The following LRRC8C variants were observed in gnomAD, a reference collection of about 807,000 sequenced individuals.
The protein encoded by LRRC8C is leucine rich repeat containing 8 VRAC subunit C, also known as volume-regulated anion channel subunit LRRC8C.
In LRRC8C, 20 loss-of-function variants were observed where a neutral mutation model predicts 55.3. The ratio of observed to expected loss-of-function variants is 0.36; its 90% CI spans 0.25 to 0.53. LRRC8C has a LOEUF of 0.53. LRRC8C is among the 20% of genes least tolerant of loss of function. The pLI, the probability that LRRC8C is intolerant of heterozygous loss-of-function variation, is 0.92. For missense variants in LRRC8C, 659 were observed against 951.4 expected (o/e 0.69, Z 4.04); for synonymous variants, 376 against 360.7 (o/e 1.04, Z -0.48).
chr1:89,659,851 G>A (rs983863377), intron 1 of LRRC8C, among the ~76,000 whole-genome samples: 7 of 152,176 alleles, frequency 4.6e-5, no homozygotes, highest in African/African-American at 1.7e-4. Context: ...CAGGGGCTGG[G>A]CATGCCAAAA....
intron 2 of LRRC8C, among the ~76,000 whole-genome samples, chr1:89,703,360 A>G (rs1209454483): frequency 6.6e-6 from 1 of 152,206 alleles, no homozygotes; most frequent in Non-Finnish European, 1.5e-5. Flanking sequence ...GAAGAATGAA[A>G]GCAATATAGG....
chr1:89,659,503 G>A (rs140032607), intron 1 of LRRC8C, among the ~76,000 whole-genome samples: 5 of 152,238 alleles, frequency 3.3e-5, no homozygotes, highest in Non-Finnish European at 5.9e-5. Context: ...ATATTTGGGC[G>A]TTAAGTAATG....
the LRRC8C span, chr1:89,624,883 T>C: frequency 2.0e-5 from 3 of 152,238 alleles, no homozygotes; most frequent in East Asian, 3.8e-4. Flanking sequence ...ACAGGACTTA[T>C]CAGAGCCCTA....
Position 89,638,344 on chromosome 1 carries a change from T to C in LRRC8C, c.-5+5022T>C, listed in dbSNP as rs1218169839. On this transcript the variant is annotated intron_variant, in intron 1 of 2. Coordinates refer to ENST00000370454, the MANE Select transcript of LRRC8C (RefSeq NM_032270.5). ...ATTAACCTCAATCTGTGAACCTTTT[T>C]TCCATAAATTGTAATAACACAGATA... Among the ~76,000 whole-genome samples the C allele has an allele frequency of 2.0e-5, 3 of 152,328 alleles. No homozygotes were observed. In the East Asian group the frequency reaches 5.8e-4, roughly 29 times the overall value.
At chr1:89,688,910 T>C (rs919242066) in intron 2 of LRRC8C, among the ~76,000 whole-genome samples, 2 of 152,196 alleles carry the variant, frequency 1.3e-5, no homozygotes, top group African/African-American at 4.8e-5. Flanking sequence ...AAGATTGATC[T>C]ATTGAGTTAC....
chr1:89,677,389 A>G (rs550379379), intron 1 of LRRC8C, among the ~76,000 whole-genome samples: 7 of 152,382 alleles, frequency 4.6e-5, no homozygotes, highest in Non-Finnish European at 8.8e-5. Context: ...TGAGGACAGT[A>G]TAGCTTAAGA....
intron 2 of LRRC8C, among the ~76,000 whole-genome samples, chr1:89,692,954 G>A (rs1400220376): frequency 1.3e-5 from 2 of 152,144 alleles, no homozygotes; most frequent in Non-Finnish European, 2.9e-5. Context: ...TGGGCAGACC[G>A]TTACCAAATA....
chr1:89,620,787 T>A, the LRRC8C span, among the ~76,000 whole-genome samples: 1 of 152,184 alleles, frequency 6.6e-6, no homozygotes, highest in South Asian at 2.1e-4. Context: ...CTTAATTCAC[T>A]CTAGATAACA....
chr1:89,635,988 C>A (rs1656268184), intron 1 of LRRC8C, among the ~76,000 whole-genome samples: 1 of 152,160 alleles, frequency 6.6e-6, no homozygotes, highest in South Asian at 2.1e-4. Context: ...CTACTTGATT[C>A]CTTTTGAACT....
rs758088658 is a variant in LRRC8C, at chr1:89,713,412, G to C, written c.842G>C (p.Ser281Thr). The C allele has an allele frequency of 6.2e-7, 1 of 1,614,150 alleles. No individual in the cohort carries two copies. The highest frequency in any genetic ancestry group is 2.2e-5 in the East Asian group (1 of 44,876). ...TTCCTAATCATCATTGCATATAATA[G>C]TGCTCTGGTTTCCAAGGTCCAGTTT... ...IKFLIIIAYN[S>T]ALVSKVQFTV... The change falls in exon 3 of 3, where the codon AGT becomes ACT. Residue 281 changes from serine to threonine, a missense_variant. Ser to Thr is a moderately conservative substitution (Grantham distance 58). Transcript: ENST00000370454. The surrounding 1 kb of genome is among the most constrained non-coding windows in gnomAD (Gnocchi z 5.2).
At chr1:89,631,826 T>C (rs1656116395), upstream of LRRC8C, 2 of 152,198 alleles carry the variant, frequency 1.3e-5, no homozygotes, top group African/African-American at 4.8e-5. Context: ...AAAAAAAGTG[T>C]AGGATTTTGC....
At chr1:89,707,994 T>G (rs1658532145) in intron 2 of LRRC8C, among the ~76,000 whole-genome samples, 1 of 152,170 alleles carries the variant, frequency 6.6e-6, no homozygotes, top group Non-Finnish European at 1.5e-5. Flanking sequence ...CTAAGAATTC[T>G]GAGAATTCTT....
At chr1:89,680,514 T>C (rs574776756) in intron 1 of LRRC8C, among the ~76,000 whole-genome samples, 4 of 149,594 alleles carry the variant, frequency 2.7e-5, no homozygotes. Flanking sequence ...TTTGAATTGG[T>C]AGTTGATAAG....
At chr1:89,698,496 AATCT>A (rs1658231973) in intron 2 of LRRC8C, among the ~76,000 whole-genome samples, 1 of 152,142 alleles carries the variant, frequency 6.6e-6, no homozygotes, top group African/African-American at 2.4e-5. Flanking sequence ...TTTAGTGCTT[AATCT>A]TTCTATCAGT....
intron 1 of LRRC8C, among the ~76,000 whole-genome samples, chr1:89,672,811 T>C (rs1026863382): frequency 3.3e-5 from 5 of 151,342 alleles, no homozygotes; most frequent in Non-Finnish European, 7.4e-5. Context: ...TTTATTTATT[T>C]TTATAGAAAC....
intron 1 of LRRC8C, among the ~76,000 whole-genome samples, chr1:89,657,538 C>T (rs979312191): frequency 4.6e-5 from 7 of 151,860 alleles, no homozygotes; most frequent in African/African-American, 7.3e-5. Context: ...GTCAGGAGTT[C>T]GAGACCAGCC....
At chr1:89,652,226 T>C (rs2101197374) in intron 1 of LRRC8C, among the ~76,000 whole-genome samples, 1 of 151,274 alleles carries the variant, frequency 6.6e-6, no homozygotes, top group South Asian at 2.1e-4. Context: ...CATCACAGAG[T>C]GGGTTAGAGC....
chr1:89,682,756 C>T (rs1305287211), intron 1 of LRRC8C, among the ~76,000 whole-genome samples: 2 of 152,176 alleles, frequency 1.3e-5, no homozygotes, highest in African/African-American at 4.8e-5. Context: ...TAACTTTCAA[C>T]CTTTGACTGC....
chr1:89,639,265 G>A (rs10801758), intron 1 of LRRC8C, among the ~76,000 whole-genome samples: 77,333 of 151,650 alleles, frequency 0.51, 20,522 homozygotes, highest in East Asian at 0.79. Context: ...GATTACAGGC[G>A]TGAGCCACCA....
Sources: allele counts gnomAD v4.1 joint callset (sites outside exome capture counted in the v4.1 genomes callset), GRCh38; gene constraint gnomAD v4.1.1; non-coding constraint Gnocchi (gnomAD v3.1); transcripts MANE v1.5; gene names NCBI Gene and HGNC (gene_info 2026-07-23, HGNC 2026-07-21).